Variants in SGCZ observed in about 807,000 individuals in gnomAD.
SGCZ encodes sarcoglycan zeta.
Under a neutral mutation model 41.3 loss-of-function variants are expected in SGCZ, and 40 were observed. The observed-to-expected ratio is 0.97, with a 90% confidence interval of 0.75 to 1.26. The LOEUF (loss-of-function observed/expected upper bound fraction) is 1.26, where lower values mean the gene tolerates loss of function less well. Ranked by LOEUF, SGCZ falls within the 50% of genes most tolerant of loss-of-function variation. The pLI, the probability that SGCZ is intolerant of heterozygous loss-of-function variation, is 0.00. For synonymous variants in SGCZ, 206 were observed against 137.5 expected (o/e 1.50, Z -3.49); for missense variants, 552 against 369.8 (o/e 1.49, Z -4.04).
At chr8:14,457,063 C>A (rs2116941139) in intron 2 of SGCZ, among the ~76,000 whole-genome samples, 1 of 152,182 alleles carries the variant, frequency 6.6e-6, no homozygotes, top group South Asian at 2.1e-4. Flanking sequence ...ACGAGCTGTT[C>A]CAGTATAATA....
chr8:14,301,153 C>T (rs955711581), intron 3 of SGCZ, among the ~76,000 whole-genome samples: 1 of 151,784 alleles, frequency 6.6e-6, no homozygotes, highest in Non-Finnish European at 1.5e-5. Context: ...CATATGTGCT[C>T]GGTCAATGCA....
intron 4 of SGCZ, among the ~76,000 whole-genome samples, chr8:14,236,751 G>A (rs918724471): frequency 2.6e-5 from 4 of 151,486 alleles, no homozygotes; most frequent in African/African-American, 9.7e-5. Context: ...AACCAATACA[G>A]TGTTACAAAA....
rs1374224249 is a variant in SGCZ, at chr8:14,551,619, T to C, written c.234+3113A>G. Among the ~76,000 whole-genome samples, 140 of 63,014 alleles carry C rather than the reference T, an allele frequency of 2.2e-3. 4 individuals carry two copies. Among genetic ancestry groups the C allele is most frequent in the African/African-American group, 9.2e-3 (125 of 13,610 alleles). 41.3% of individuals were successfully genotyped at this position (63,014 alleles called of 152,430 possible). A position where few individuals can be genotyped will look rare whatever the true frequency, so the allele number is the denominator to read the frequency against. On this transcript the variant is annotated intron_variant, in intron 2 of 7. Transcript: ENST00000382080. ...ATATTATATATATTATATATATACA[T>C]AAAATATATATATTATATATATATA...
At chr8:15,162,653 A>C (rs1199139010) in intron 1 of SGCZ, among the ~76,000 whole-genome samples, 1 of 152,178 alleles carries the variant, frequency 6.6e-6, no homozygotes, top group Non-Finnish European at 1.5e-5. Context: ...GAGTTAGGAA[A>C]ATTCTGGCTC....
rs28671235 is a variant in SGCZ at position 14,875,051 on chromosome 8, A to G, written c.40-320125T>C. On this transcript the variant is annotated intron_variant, in intron 1 of 7. Transcript: ENST00000382080. ...ATCTTTGTCTGTGTGTATTGCTATA[A>G]CAAATGGAGACCAGGTTATTTATAA... Among the ~76,000 whole-genome samples, 437 of 152,298 alleles carry G rather than the reference A, an allele frequency of 2.9e-3. 3 individuals are homozygous for G. Among genetic ancestry groups the G allele is most frequent in the African/African-American group, 0.01 (419 of 41,582 alleles).
At chr8:15,030,714 A>G (rs1176078687) in intron 1 of SGCZ, among the ~76,000 whole-genome samples, 1 of 152,166 alleles carries the variant, frequency 6.6e-6, no homozygotes, top group Non-Finnish European at 1.5e-5. Flanking sequence ...TGATATGGTT[A>G]GGGGGATAAC....
At chr8:14,109,629 T>A (rs539410452) in intron 5 of SGCZ, among the ~76,000 whole-genome samples, 18 of 152,268 alleles carry the variant, frequency 1.2e-4, no homozygotes, top group African/African-American at 4.1e-4. Flanking sequence ...AATATATTAA[T>A]TCAAGAGGCA....
At chr8:14,949,096 C>G (rs939482878) in intron 1 of SGCZ, among the ~76,000 whole-genome samples, 1 of 152,054 alleles carries the variant, frequency 6.6e-6, no homozygotes, top group South Asian at 2.1e-4. Flanking sequence ...CCAGAATTTG[C>G]TCTCTCAATT....
At chr8:14,797,362 C>T (rs1454728307) in intron 1 of SGCZ, among the ~76,000 whole-genome samples, 1 of 152,076 alleles carries the variant, frequency 6.6e-6, no homozygotes, top group Non-Finnish European at 1.5e-5. Flanking sequence ...AGACGAGGAA[C>T]TTGTTGGTAA....
chr8:15,187,314 A>G (rs1218269618), intron 1 of SGCZ, among the ~76,000 whole-genome samples: 3 of 152,104 alleles, frequency 2.0e-5, no homozygotes, highest in African/African-American at 7.2e-5. Context: ...GAAACTCATG[A>G]ATTTGCTTTA....
chr8:14,810,150 C>T (rs531813608), intron 1 of SGCZ, among the ~76,000 whole-genome samples: 1 of 151,958 alleles, frequency 6.6e-6, no homozygotes, highest in Non-Finnish European at 1.5e-5. Flanking sequence ...AAAATGAGCT[C>T]TTATTATCAT....
At chr8:14,837,174 G>A (rs1802727526) in intron 1 of SGCZ, among the ~76,000 whole-genome samples, 2 of 152,142 alleles carry the variant, frequency 1.3e-5, no homozygotes, top group South Asian at 4.1e-4. Flanking sequence ...CTTGGAGACA[G>A]AGAAAATAAG....
chr8:14,148,002 AC>A (rs1803580147), intron 5 of SGCZ, among the ~76,000 whole-genome samples: 1 of 152,182 alleles, frequency 6.6e-6, no homozygotes, highest in South Asian at 2.1e-4. Context: ...ATTTCTTGAA[AC>A]AAATGATAAC....
At chr8:14,922,962 C>A (rs547723748) in intron 1 of SGCZ, among the ~76,000 whole-genome samples, 1 of 152,314 alleles carries the variant, frequency 6.6e-6, no homozygotes, top group South Asian at 2.1e-4. Context: ...CAGTTCTTAG[C>A]ATTGACTGCA....
chr8:14,709,063 G>C lies in SGCZ; in HGVS notation c.40-154137C>G, dbSNP rs1367100860. 2.6e-5 allele frequency among the ~76,000 whole-genome samples: 4 copies of C among 152,012 alleles called. 1 individual carries two copies. Among genetic ancestry groups the C allele is most frequent in the Non-Finnish European group, 5.9e-5 (4 of 67,992 alleles). ...AGGCCAAATATTTCAACGAAATTATGGTTAACAGTGAAGAAGAATAAAAAT... is the reference window on the plus strand; with the variant it reads ...AGGCCAAATATTTCAACGAAATTATCGTTAACAGTGAAGAAGAATAAAAAT... On this transcript the variant is annotated intron_variant, in intron 1 of 7. Transcript: ENST00000382080.
intron 4 of SGCZ, among the ~76,000 whole-genome samples, chr8:14,178,255 A>C (rs2117016400): frequency 6.6e-6 from 1 of 152,170 alleles, no homozygotes; most frequent in South Asian, 2.1e-4. Context: ...CACCTGGCTG[A>C]TTTTGTTTTT....
At chr8:15,199,384 C>T (rs1401036136) in intron 1 of SGCZ, among the ~76,000 whole-genome samples, 1 of 152,124 alleles carries the variant, frequency 6.6e-6, no homozygotes, top group African/African-American at 2.4e-5. Flanking sequence ...CCATTAAATA[C>T]AGAATTTATT....
At chr8:14,455,960 T>C (rs1800730721) in intron 2 of SGCZ, among the ~76,000 whole-genome samples, 1 of 152,202 alleles carries the variant, frequency 6.6e-6, no homozygotes, top group South Asian at 2.1e-4. Context: ...CTAAAGTAGA[T>C]TTGTAGTTAC....
chr8:15,093,139 A>G (rs1370505764), intron 1 of SGCZ, among the ~76,000 whole-genome samples: 3 of 152,126 alleles, frequency 2.0e-5, no homozygotes, highest in African/African-American at 7.2e-5. Context: ...AATCAATGAA[A>G]TCACTTCTCT....
Sources: gnomAD v4.1 joint callset for allele counts (sites outside exome capture counted in the v4.1 genomes callset) on GRCh38, gnomAD v4.1.1 for gene constraint, MANE v1.5 for transcripts, NCBI Gene and HGNC (gene_info 2026-07-23, HGNC 2026-07-21) for gene names.